The following NKAIN2 variants were observed in gnomAD, a reference collection of about 807,000 sequenced individuals.
NKAIN2 encodes sodium/potassium-transporting ATPase subunit beta-1-interacting protein 2.
NKAIN2 carries 14 observed loss-of-function variants against 32.6 expected under a neutral mutation model. That is an observed-to-expected ratio of 0.43 (90% CI 0.28 to 0.67). NKAIN2 has a LOEUF of 0.67. Ranked by LOEUF, NKAIN2 falls within the 30% of genes least tolerant of loss-of-function variation. NKAIN2 has a pLI of 0.17. For synonymous variants in NKAIN2, 80 were observed against 87.2 expected, an observed-to-expected ratio of 0.92 and a Z score of 0.46; for missense variants, 198 against 258.3, an observed-to-expected ratio of 0.77 and a Z score of 1.60.
At chr6:124,385,486 A>G (rs1341692826) in intron 3 of NKAIN2, among the ~76,000 whole-genome samples, 1 of 152,124 alleles carries the variant, frequency 6.6e-6, no homozygotes, top group Non-Finnish European at 1.5e-5. Flanking sequence ...GATCTTTTTA[A>G]ACATAAAGAT....
chr6:124,815,230 A>ATATATATATATG (rs1562400425), intron 5 of NKAIN2, among the ~76,000 whole-genome samples: 1 of 138,840 alleles, frequency 7.2e-6, no homozygotes, highest in East Asian at 2.0e-4. Context: ...ATATACATAT[A>ATATATATATATG]TATATATATA....
At chr6:124,156,810 A>G (rs1314822549) in intron 1 of NKAIN2, among the ~76,000 whole-genome samples, 2 of 152,116 alleles carry the variant, frequency 1.3e-5, no homozygotes, top group African/African-American at 4.8e-5. Context: ...ATGAGAAAAA[A>G]TGATGACCTG....
In NKAIN2 at chr6:124,377,200, A is replaced by G. The variant is rs566124497; in HGVS notation, c.273+21853A>G. Among the ~76,000 whole-genome samples the G allele has an allele frequency of 8.5e-5, 13 of 152,342 alleles. No homozygotes were observed. In the South Asian group the frequency reaches 2.7e-3, roughly 32 times the overall value. ...TGGATATTTTGAAACAATATTCTAC[A>G]AATCTTCAGATCTCACCATTTACCA... On this transcript the variant is annotated intron_variant, in intron 3 of 6. Transcript: ENST00000368417.
At chr6:124,797,416 T>C (rs1780051937) in intron 5 of NKAIN2, among the ~76,000 whole-genome samples, 1 of 152,154 alleles carries the variant, frequency 6.6e-6, no homozygotes, top group Non-Finnish European at 1.5e-5. Context: ...TAAAAAATAA[T>C]ATCCTAAGGG....
At chr6:124,158,839 G>A (rs914798266) in intron 1 of NKAIN2, among the ~76,000 whole-genome samples, 2 of 151,966 alleles carry the variant, frequency 1.3e-5, no homozygotes, top group Non-Finnish European at 2.9e-5. Flanking sequence ...AATTGTAGGA[G>A]CTTTTCTTAT....
At chr6:124,459,260 A>G (rs1429111707) in intron 3 of NKAIN2, among the ~76,000 whole-genome samples, 1 of 151,878 alleles carries the variant, frequency 6.6e-6, no homozygotes, top group Non-Finnish European at 1.5e-5. Context: ...CAATGGTCTG[A>G]ACAAAGTCCG....
At chr6:124,067,830 C>A (rs2114872209) in intron 1 of NKAIN2, among the ~76,000 whole-genome samples, 1 of 152,222 alleles carries the variant, frequency 6.6e-6, no homozygotes, top group African/African-American at 2.4e-5. Context: ...TAAATCCATC[C>A]ATTTAGCAAA....
chr6:124,170,182 T>C (rs1297575971), intron 1 of NKAIN2, among the ~76,000 whole-genome samples: 1 of 152,154 alleles, frequency 6.6e-6, no homozygotes, highest in Non-Finnish European at 1.5e-5. Flanking sequence ...CCCTGCATTA[T>C]TGTCTAATAT....
chr6:124,220,324 A>G (rs1447203722), intron 1 of NKAIN2, among the ~76,000 whole-genome samples: 1 of 152,094 alleles, frequency 6.6e-6, no homozygotes, highest in Non-Finnish European at 1.5e-5. Flanking sequence ...CTCCCCAGCC[A>G]TGCCAAACTG....
intron 1 of NKAIN2, among the ~76,000 whole-genome samples, chr6:124,059,746 T>C (rs1782838314): frequency 6.6e-6 from 1 of 152,166 alleles, no homozygotes; most frequent in Non-Finnish European, 1.5e-5. Context: ...TCAGCATTCA[T>C]ACAAATTTTA....
intron 1 of NKAIN2, among the ~76,000 whole-genome samples, chr6:124,010,657 A>G (rs1348519439): frequency 6.6e-6 from 1 of 151,830 alleles, no homozygotes; most frequent in Non-Finnish European, 1.5e-5. Flanking sequence ...TAGAGATAAT[A>G]GTAGTTTGTA....
chr6:124,351,090 A>C lies in NKAIN2; in HGVS notation c.193-4177A>C, dbSNP rs1266464750. Among the ~76,000 whole-genome samples, 3 of 152,380 alleles carry C rather than the reference A, an allele frequency of 2.0e-5. No individual in the cohort carries two copies. In the South Asian group the frequency reaches 6.2e-4, roughly 32 times the overall value. ...TATGTGTTGCACTAAGTTAGAAATA[A>C]TAAATTGTATTTTAGATCAAATGAA... On this transcript the variant is annotated intron_variant, in intron 2 of 6. Coordinates refer to ENST00000368417, the MANE Select transcript of NKAIN2 (RefSeq NM_001040214.3).
intron 2 of NKAIN2, among the ~76,000 whole-genome samples, chr6:124,312,654 A>C (rs1262844716): frequency 6.6e-6 from 1 of 152,198 alleles, no homozygotes; most frequent in Admixed American, 6.6e-5. Flanking sequence ...GAGGCTCTTC[A>C]TACCGTGTCC....
At chr6:124,498,930 T>C (rs1015164436) in intron 3 of NKAIN2, among the ~76,000 whole-genome samples, 1 of 152,054 alleles carries the variant, frequency 6.6e-6, no homozygotes, top group Non-Finnish European at 1.5e-5. Flanking sequence ...AGTTGTTGTT[T>C]TGTTTTGTTT....
chr6:124,813,428 G>A (rs2114865695), intron 5 of NKAIN2, among the ~76,000 whole-genome samples: 1 of 152,084 alleles, frequency 6.6e-6, no homozygotes, highest in East Asian at 1.9e-4. Context: ...CAACCAATAA[G>A]GAACTCAAAG....
At chr6:124,382,974 A>G (rs933490346) in intron 3 of NKAIN2, among the ~76,000 whole-genome samples, 1 of 152,188 alleles carries the variant, frequency 6.6e-6, no homozygotes, top group African/African-American at 2.4e-5. Context: ...GGTCCTTACC[A>G]CAGTCAAGGA....
intron 3 of NKAIN2, among the ~76,000 whole-genome samples, chr6:124,545,924 T>C (rs1454865865): frequency 6.6e-6 from 1 of 152,080 alleles, no homozygotes; most frequent in Admixed American, 6.6e-5. Flanking sequence ...TAATGACACA[T>C]TAGAAGTAAG....
intron 1 of NKAIN2, among the ~76,000 whole-genome samples, chr6:124,146,010 T>G (rs1489637246): frequency 1.3e-5 from 2 of 152,194 alleles, no homozygotes; most frequent in African/African-American, 4.8e-5. Flanking sequence ...TGAATTCAAG[T>G]AAAACTGGGA....
At chr6:124,346,736 G>A (rs1362216680) in intron 2 of NKAIN2, among the ~76,000 whole-genome samples, 5 of 151,926 alleles carry the variant, frequency 3.3e-5, no homozygotes, top group African/African-American at 4.8e-5. Context: ...GTCTCTGCAT[G>A]TGAGATGGGT....
Sources: allele counts gnomAD v4.1 joint callset (sites outside exome capture counted in the v4.1 genomes callset), GRCh38; gene constraint gnomAD v4.1.1; transcripts MANE v1.5; gene names NCBI Gene and HGNC (gene_info 2026-07-23, HGNC 2026-07-21).